The following PLXDC2 variants were observed in gnomAD, a reference collection of about 807,000 sequenced individuals.
The protein encoded by PLXDC2 is plexin domain containing 2.
Under a neutral mutation model 68.9 loss-of-function variants are expected in PLXDC2, and 40 were observed. The observed-to-expected ratio is 0.58, with a 90% confidence interval of 0.45 to 0.76. PLXDC2 has a LOEUF of 0.76. PLXDC2 is among the 30% of genes least tolerant of loss of function. PLXDC2 has a pLI of 0.00. For synonymous variants in PLXDC2, 243 were observed against 234.2 expected, an observed-to-expected ratio of 1.04 and a Z score of -0.34; for missense variants, 644 against 661.9, an observed-to-expected ratio of 0.97 and a Z score of 0.30.
chr10:20,068,723 G>A (rs1439161342), intron 4 of PLXDC2, among the ~76,000 whole-genome samples: 1 of 150,584 alleles, frequency 6.6e-6, no homozygotes, highest in African/African-American at 2.4e-5. Context: ...TTTTCCTTGA[G>A]TGTTACCTAT....
chr10:20,147,112 C>T (rs1589652864), intron 5 of PLXDC2, among the ~76,000 whole-genome samples: 1 of 152,208 alleles, frequency 6.6e-6, no homozygotes, highest in Non-Finnish European at 1.5e-5. Context: ...CATGCCCAAT[C>T]GTTTATGGTA....
intron 6 of PLXDC2, among the ~76,000 whole-genome samples, chr10:20,154,048 A>C (rs1467803442): frequency 2.0e-5 from 3 of 152,068 alleles, no homozygotes; most frequent in Non-Finnish European, 4.4e-5. Context: ...ACCTGTACAT[A>C]GGCCAAAAAA....
At chr10:19,981,055 A>T (rs1438166800) in intron 1 of PLXDC2, among the ~76,000 whole-genome samples, 9 of 152,184 alleles carry the variant, frequency 5.9e-5, no homozygotes, top group Admixed American at 6.5e-5. Flanking sequence ...TAAGATTTTT[A>T]AAAAATCTTG....
In PLXDC2 at chr10:20,279,903, A is replaced by C; in HGVS notation, c.*84A>C. 7.2e-6 allele frequency: 7 copies of C among 976,962 alleles called. No homozygotes were observed. The highest frequency in any genetic ancestry group is 1.1e-5 in the Non-Finnish European group (7 of 617,144). 60.5% of individuals were successfully genotyped at this position (976,962 alleles called of 1,614,324 possible). A position where few individuals can be genotyped will look rare whatever the true frequency, so the allele number is the denominator to read the frequency against. On this transcript the variant is annotated 3_prime_UTR_variant, in exon 14 of 14. Transcript: ENST00000377252. ...CCTATACCTTTAAGACAAACAAACA[A>C]ACACACACACAAACAAGCTCTAAGC...
chr10:19,853,136 G>A (rs1334763596), intron 1 of PLXDC2, among the ~76,000 whole-genome samples: 1 of 152,158 alleles, frequency 6.6e-6, no homozygotes, highest in Non-Finnish European at 1.5e-5. Context: ...AAAGGCTGAA[G>A]GAAGGGACAA....
At chr10:19,817,836 G>A (rs936886637) in intron 1 of PLXDC2, among the ~76,000 whole-genome samples, 1 of 152,228 alleles carries the variant, frequency 6.6e-6, no homozygotes, top group African/African-American at 2.4e-5. Flanking sequence ...CCGCCTGCCA[G>A]CTTCACAGAC....
intron 12 of PLXDC2, among the ~76,000 whole-genome samples, chr10:20,221,960 T>C (rs1236052921): frequency 3.3e-5 from 5 of 152,204 alleles, no homozygotes; most frequent in African/African-American, 1.2e-4. Context: ...TTATGTATAT[T>C]TGAGGTTTAC....
chr10:19,925,191 A>G (rs1289141418), intron 1 of PLXDC2, among the ~76,000 whole-genome samples: 1 of 152,170 alleles, frequency 6.6e-6, no homozygotes, highest in Non-Finnish European at 1.5e-5. Flanking sequence ...AGTCCGTCGA[A>G]CTTATTGCAG....
chr10:19,942,101 C>T (rs1833829821), intron 1 of PLXDC2, among the ~76,000 whole-genome samples: 1 of 151,986 alleles, frequency 6.6e-6, no homozygotes, highest in Non-Finnish European at 1.5e-5. Flanking sequence ...ATTTAACTAT[C>T]TACAGTGACT....
chr10:19,910,924 G>A lies in PLXDC2; in HGVS notation c.113-90851G>A, dbSNP rs966081318. Reference sequence around the variant, plus strand: ...ACTTGGGAGGCTGAGGCAGAGAATCGCTTGAACCTGGGAGGCAAAGGTTGC... The same window carrying A: ...ACTTGGGAGGCTGAGGCAGAGAATCACTTGAACCTGGGAGGCAAAGGTTGC... On this transcript the variant is annotated intron_variant, in intron 1 of 13. Coordinates refer to ENST00000377252, the MANE Select transcript of PLXDC2 (RefSeq NM_032812.9). Among the ~76,000 whole-genome samples the A allele has an allele frequency of 4.6e-5, 7 of 152,042 alleles. No homozygotes were observed. The South Asian group carries it at 8.3e-4, about 18-fold the overall frequency.
intron 3 of PLXDC2, among the ~76,000 whole-genome samples, chr10:20,065,783 G>A (rs1483127303): frequency 2.0e-5 from 3 of 152,182 alleles, no homozygotes; most frequent in Admixed American, 2.0e-4. Flanking sequence ...ATCTAATGCT[G>A]CCAGTGCTGA....
chr10:20,222,789 G>A (rs1381879438), intron 12 of PLXDC2, among the ~76,000 whole-genome samples: 1 of 151,744 alleles, frequency 6.6e-6, no homozygotes, highest in Non-Finnish European at 1.5e-5. Flanking sequence ...GGAGCTCAAG[G>A]CCAAACTGGG....
chr10:20,110,333 G>T (rs1394988359), intron 4 of PLXDC2, among the ~76,000 whole-genome samples: 1 of 152,116 alleles, frequency 6.6e-6, no homozygotes, highest in Admixed American at 6.6e-5. Context: ...GTCAAGGAGG[G>T]CAGTGAATGA....
chr10:20,273,015 G>A (rs1181778838), intron 13 of PLXDC2, among the ~76,000 whole-genome samples: 1 of 152,184 alleles, frequency 6.6e-6, no homozygotes, highest in Non-Finnish European at 1.5e-5. Flanking sequence ...GCACACTGGT[G>A]TCTTCAACCT....
intron 1 of PLXDC2, among the ~76,000 whole-genome samples, chr10:19,951,706 C>T (rs74376914): frequency 0.06 from 9,083 of 152,194 alleles, 304 homozygotes; most frequent in African/African-American, 0.091. Flanking sequence ...CTTGTATGTT[C>T]GTTGCAGCAC....
intron 4 of PLXDC2, among the ~76,000 whole-genome samples, chr10:20,119,284 G>A (rs1320003105): frequency 6.6e-6 from 1 of 152,070 alleles, no homozygotes; most frequent in Non-Finnish European, 1.5e-5. Flanking sequence ...GGTGCAGGCG[G>A]GCTGAGTCCG....
intron 13 of PLXDC2, among the ~76,000 whole-genome samples, chr10:20,273,509 TATAC>T (rs1357478028): frequency 6.6e-6 from 1 of 151,788 alleles, no homozygotes; most frequent in African/African-American, 2.4e-5. Flanking sequence ...TTCTAGGACA[TATAC>T]ATAGAGCACG....
chr10:20,001,782 G>A lies in PLXDC2; in HGVS notation c.120G>A (p.Gln40=). 2 of 1,613,882 alleles carry A rather than the reference G, an allele frequency of 1.2e-6. No homozygotes were observed. Among genetic ancestry groups the A allele is most frequent in the African/African-American group, 1.3e-5 (1 of 75,022 alleles). Residue 40 remains glutamine, a synonymous_variant, in exon 2 of 14, where the codon CAG becomes CAA. Coordinates refer to ENST00000377252, the MANE Select transcript of PLXDC2 (RefSeq NM_032812.9). ...TCTTTCTTTTTCAAACAGATTGGCA[G>A]TATGGAGTTACTCAGGCCTTCCCTC... ...GKPGDQILDW[Q]YGVTQAFPHT...
At chr10:20,122,626 G>A (rs532091365) in intron 4 of PLXDC2, among the ~76,000 whole-genome samples, 44 of 152,366 alleles carry the variant, frequency 2.9e-4, no homozygotes, top group African/African-American at 1.0e-3. Context: ...CTTGTAGCAA[G>A]CTCCTGGGGA....
Sources: gnomAD v4.1 joint callset for allele counts (sites outside exome capture counted in the v4.1 genomes callset) on GRCh38, gnomAD v4.1.1 for gene constraint, MANE v1.5 for transcripts, NCBI Gene and HGNC (gene_info 2026-07-23, HGNC 2026-07-21) for gene names.